The following DSP variants were observed in gnomAD, a reference collection of about 807,000 sequenced individuals.
DSP encodes 250/210 kDa paraneoplastic pemphigus antigen.
A neutral mutation model predicts 290.6 loss-of-function variants in DSP; 114 were observed. The observed-to-expected ratio is 0.39, with a 90% CI of 0.34 to 0.46. DSP has a LOEUF of 0.46. Among genes scored for constraint, DSP ranks in the 20% least tolerant of loss-of-function variants. The pLI is 0.99. For missense variants in DSP, 3,230 were observed against 3,495.8 expected, an observed-to-expected ratio of 0.92 and a Z score of 1.92; for synonymous variants, 1,311 against 1,316.4, an observed-to-expected ratio of 1.00 and a Z score of 0.09.
Position 7,585,707 on chromosome 6 carries a change from C to T in DSP, c.8445C>T (p.Ser2815=), listed in dbSNP as rs1228176948. The change falls in exon 24 of 24, where the codon AGC becomes AGT. Residue 2815 remains serine (S), a synonymous_variant. Transcript: ENST00000379802. The stretch of plus-strand genomic sequence containing the variant: ...CCGTGTCGTCCAAGGGCTTACCCAG[C>T]CCTTACAACATGTCTTCGGCTCCGG... ...AASVSSKGLP[S]PYNMSSAPGS... The T allele has an allele frequency of 6.2e-7, 1 of 1,613,708 alleles. No individual in the cohort carries two copies. The highest frequency in any genetic ancestry group is 8.5e-7 in the Non-Finnish European group (1 of 1,179,802).
intron 8 of DSP, 47 bp downstream of exon 8, chr6:7,566,528 T>G (rs529971942): frequency 6.7e-7 from 1 of 1,482,176 alleles, no homozygotes; most frequent in South Asian, 1.2e-5. Context: ...AAAAAACTTT[T>G]CATAAAGTAA....
At position 7,567,822 on chromosome 6, in the gene DSP, G is replaced by A; in HGVS notation, c.1182G>A (p.Gly394=). Residue 394 remains glycine (G), a synonymous_variant, in exon 10 of 24, where the codon GGG becomes GGA. Transcript: ENST00000379802. ...EAQSTEAYLK[G]LQDSIRKKYP... Reference sequence around the variant, plus strand: ...AGTCTACTGAAGCATACCTGAAGGGGCTCCAGGACTCCATCAGGAAGAAGT... The same window carrying A: ...AGTCTACTGAAGCATACCTGAAGGGACTCCAGGACTCCATCAGGAAGAAGT... 6.2e-7 allele frequency: 1 copy of A among 1,614,048 alleles called. No individual in the cohort carries two copies. The highest frequency in any genetic ancestry group is 8.5e-7 in the Non-Finnish European group (1 of 1,179,994).
rs763549172 is a variant in DSP, at chr6:7,583,809, T to G, written c.6547T>G (p.Tyr2183Asp). The stretch of plus-strand genomic sequence containing the variant: ...TCCAGTCACCAAAAAGAAGGTCAGT[T>G]ACGTGCAGCTGAAGGAACGGTGCAG... The part of the protein sequence containing the change: ...VDPVTKKKVS[Y>D]VQLKERCRIE... Residue 2183 changes from tyrosine (Y) to aspartate (D), a missense_variant, in exon 24 of 24, where the codon TAC becomes GAC. By Grantham distance (160) the Tyr-to-Asp change is radical. Coordinates refer to ENST00000379802, the MANE Select transcript of DSP (RefSeq NM_004415.4). This position sits in a 1 kb window ranked among gnomAD's most constrained non-coding sequence, Gnocchi z 4.0. 8 of 1,613,932 alleles carry G rather than the reference T, an allele frequency of 5.0e-6. No individual in the cohort carries two copies. Among genetic ancestry groups the G allele is most frequent in the Non-Finnish European group, 6.8e-6 (8 of 1,180,008 alleles).
rs77312649 is a variant in DSP at position 7,562,373 on chromosome 6, G to T, written c.598-279G>T. Among the ~76,000 whole-genome samples, 8,817 of 137,460 alleles carry T rather than the reference G, an allele frequency of 0.064. 834 individuals carry two copies. The highest frequency in any genetic ancestry group is 0.22 in the African/African-American group (8,241 of 38,276). 90.2% of individuals were successfully genotyped at this position (137,460 alleles called of 152,430 possible). ...GCTTGCCTGTGCACAGGTAGATTTGGTTTTTTTTTTTTTTCAGAAGACATG... is the reference window on the plus strand; with the variant it reads ...GCTTGCCTGTGCACAGGTAGATTTGTTTTTTTTTTTTTTTCAGAAGACATG... On this transcript the variant is annotated intron_variant, in intron 4 of 23. Coordinates refer to ENST00000379802, the MANE Select transcript of DSP (RefSeq NM_004415.4).
In DSP at chr6:7,566,489, T is replaced by C; in HGVS notation, c.1044+8T>C. On this transcript the variant is annotated splice_region_variant and intron_variant, in intron 8 of 23. Transcript: ENST00000379802. ...GCTTCAGACAAAATTGAGGTAGGCT[T>C]CATGAGGTTTATATTTTTGTTAGAA... 1 of 1,609,664 alleles carries C rather than the reference T, an allele frequency of 6.2e-7. No individual in the cohort carries two copies.
intron 1 of DSP, among the ~76,000 whole-genome samples, chr6:7,544,491 CTT>C (rs386406062): frequency 3.5e-5 from 5 of 142,754 alleles, no homozygotes; most frequent in East Asian, 2.0e-4. Flanking sequence ...TTCTTTCTTT[CTT>C]TTTTTTTTTT....
At chr6:7,559,529 G>A (rs183496941) in intron 4 of DSP, 129 bp downstream of exon 4, 1 of 1,144,840 alleles carries the variant, frequency 8.7e-7, no homozygotes, top group East Asian at 2.6e-5. Context: ...GCTGTTTGCA[G>A]GATTTTCCTC....
chr6:7,575,168 T>A lies in DSP; in HGVS notation c.2437-127T>A, dbSNP rs1581810138. The A allele has an allele frequency of 3.3e-6, 3 of 910,088 alleles. No homozygotes were observed. The East Asian group carries it at 7.8e-5, about 24-fold the overall frequency. 56.4% of individuals were successfully genotyped at this position (910,088 alleles called of 1,614,324 possible). ...TAAATATATTTCCCTGGATTGACTG[T>A]TAACACTTTAAATTATGAATATTCT... On this transcript the variant is annotated intron_variant, in intron 17 of 23. Transcript: ENST00000379802.
rs781151826 is a variant in DSP at position 7,584,910 on chromosome 6, G to A, written c.7648G>A (p.Gly2550Ser). Residue 2550 changes from glycine to serine, a missense_variant, in exon 24 of 24, where the codon GGC becomes AGC. Gly to Ser is a moderately conservative substitution (Grantham distance 56). This residue lies in a region of DSP where 582 missense variants were observed against 555.4 expected (regional missense o/e 1.05). Transcript: ENST00000379802. The surrounding 1 kb of genome is among the most constrained non-coding windows in gnomAD (Gnocchi z 6.4). Reference sequence around the variant, plus strand: ...GAAGTTCTTTGATCAGTACCGATCCGGCAGCCTCAGCCTCACTCAATTTGC... The same window carrying A: ...GAAGTTCTTTGATCAGTACCGATCCAGCAGCCTCAGCCTCACTCAATTTGC... ...DRKFFDQYRS[G>S]SLSLTQFADM... 1.5e-5 allele frequency: 24 copies of A among 1,614,186 alleles called. No individual in the cohort carries two copies. Among genetic ancestry groups the A allele is most frequent in the South Asian group, 3.3e-5 (3 of 91,080 alleles).
Position 7,563,017 on chromosome 6 carries a change from G to A in DSP, c.726+237G>A, listed in dbSNP as rs1028444662. Among the ~76,000 whole-genome samples the A allele has an allele frequency of 5.9e-5, 9 of 152,220 alleles. No homozygotes were observed. The East Asian group carries it at 1.7e-3, about 29-fold the overall frequency. On this transcript the variant is annotated intron_variant, in intron 5 of 23. Coordinates refer to ENST00000379802, the MANE Select transcript of DSP (RefSeq NM_004415.4). ...GCTGAGGTTGTGCAAACACTCATTT[G>A]CAGTTTGTGAATAAGTCTCTTTAGG...
rs777724973 is a variant in DSP at position 7,565,539 on chromosome 6, G to T, written c.939+19G>T. ...CTTCTCCGTAAGTTCACCCCACGCG[G>T]CTGTAGATGCTTGTCTTGAGCCTGT... is the stretch of plus-strand genomic sequence containing the variant. On this transcript the variant is annotated intron_variant, in intron 7 of 23. Transcript: ENST00000379802. This position sits in a 1 kb window ranked among gnomAD's most constrained non-coding sequence, Gnocchi z 4.2. 2.5e-6 allele frequency: 4 copies of T among 1,613,606 alleles called. No individual in the cohort carries two copies. The Admixed American group carries it at 5.0e-5, about 20-fold the overall frequency.
rs1758843137 is a variant in DSP at position 7,565,723 on chromosome 6, A to C, written c.939+203A>C. The C allele has an allele frequency of 1.6e-6, 1 of 621,044 alleles. No individual in the cohort carries two copies. Among genetic ancestry groups the C allele is most frequent in the Non-Finnish European group, 2.8e-6 (1 of 358,384 alleles). 38.5% of individuals were successfully genotyped at this position (621,044 alleles called of 1,614,324 possible). ...ATCCTTAGCAAACTTATGCGGGAAC[A>C]GAAAACCAAATACCACATGTTCTCA... On this transcript the variant is annotated intron_variant, in intron 7 of 23. Transcript: ENST00000379802. The surrounding 1 kb of genome is among the most constrained non-coding windows in gnomAD (Gnocchi z 4.2).
intron 10 of DSP, 104 bp downstream of exon 10, chr6:7,568,010 G>C: frequency 6.6e-7 from 1 of 1,510,730 alleles, no homozygotes; most frequent in Non-Finnish European, 9.0e-7. Flanking sequence ...TACAATGCAC[G>C]CCCAGAGCCA....
At chr6:7,571,610 G>C in intron 14 of DSP, 26 bp downstream of exon 14, 1 of 1,613,498 alleles carries the variant, frequency 6.2e-7, no homozygotes, top group Non-Finnish European at 8.5e-7. Context: ...CTTTCTCTTT[G>C]TATCAACCAT....
intron 20 of DSP, 29 bp downstream of exon 20, chr6:7,577,071 A>T: frequency 6.4e-7 from 1 of 1,558,950 alleles, no homozygotes; most frequent in Non-Finnish European, 8.8e-7. Context: ...GAATGTTGGT[A>T]TTTCACCAAG....
Position 7,565,430 on chromosome 6 carries a change from C to T in DSP, c.849C>T (p.Ile283=). 6.2e-7 allele frequency: 1 copy of T among 1,614,104 alleles called. No individual in the cohort carries two copies. Among genetic ancestry groups the T allele is most frequent in the South Asian group, 1.1e-5 (1 of 91,080 alleles). Residue 283 remains isoleucine (I), a synonymous_variant, in exon 7 of 24, where the codon ATC becomes ATT. Transcript: ENST00000379802. The surrounding 1 kb of genome is among the most constrained non-coding windows in gnomAD (Gnocchi z 4.2). ...TCATTCAGGCCACGTCCAGGGAGAT[C>T]ATGTGGATCAATGACTGCGAGGAGG... ...QNIIQATSRE[I]MWINDCEEEE...
chr6:7,576,997 A>G lies in DSP; in HGVS notation c.2832A>G (p.Ser944=). The change falls in exon 20 of 24, where the codon TCA becomes TCG. Residue 944 remains serine, a synonymous_variant. Transcript: ENST00000379802. The part of the protein sequence containing the change: ...HSEISGKRDK[S]EEVQKIAELC... ...AAATATCTGGCAAACGAGACAAATC[A>G]GAGGAAGTACAAAAAATTGCTGAAC... is the stretch of plus-strand genomic sequence containing the variant. 6.2e-7 allele frequency: 1 copy of G among 1,613,094 alleles called. No homozygotes were observed. Among genetic ancestry groups the G allele is most frequent in the Non-Finnish European group, 8.5e-7 (1 of 1,179,528 alleles).
At chr6:7,561,514 G>A (rs1045661172) in intron 4 of DSP, among the ~76,000 whole-genome samples, 1 of 152,122 alleles carries the variant, frequency 6.6e-6, no homozygotes, top group Admixed American at 6.6e-5. Context: ...TCCTGAGCCA[G>A]GTTTTTGTTT....
At position 7,562,761 on chromosome 6, in the gene DSP, A is replaced by G; in HGVS notation, c.707A>G (p.Asp236Gly). 6.2e-7 allele frequency: 1 copy of G among 1,614,170 alleles called. No individual in the cohort carries two copies. The highest frequency in any genetic ancestry group is 1.3e-5 in the African/African-American group (1 of 75,068). Residue 236 changes from aspartate to glycine, a missense_variant, in exon 5 of 24, where the codon GAC becomes GGC. Asp to Gly is a moderately conservative substitution (Grantham distance 94, BLOSUM62 -1). Coordinates refer to ENST00000379802, the MANE Select transcript of DSP (RefSeq NM_004415.4). ...NSIGDYRWQL[D>G]KIKADLREKS... is the part of the protein sequence containing the mutation. ...ATCGGCGACTATCGCTGGCAGCTGG[A>G]CAAAATCAAAGCCGACCTGGTACTT... is the stretch of plus-strand genomic sequence containing the variant.
Sources: allele counts gnomAD v4.1 joint callset (sites outside exome capture counted in the v4.1 genomes callset), GRCh38; gene constraint gnomAD v4.1.1; regional missense constraint gnomAD v4.1.1; non-coding constraint Gnocchi (gnomAD v3.1); transcripts MANE v1.5; gene names NCBI Gene and HGNC (gene_info 2026-07-23, HGNC 2026-07-21).